GBF1: variants seen among roughly 807,000 people sequenced by gnomAD.
The protein encoded by GBF1 is Golgi-specific brefeldin A-resistance guanine nucleotide exchange factor 1.
A neutral mutation model predicts 210.5 loss-of-function variants in GBF1; 114 were observed. The ratio of observed to expected loss-of-function variants is 0.54; its 90% CI spans 0.47 to 0.63. The LOEUF is 0.63. Among genes scored for constraint, GBF1 ranks in the 30% least tolerant of loss-of-function variants. GBF1 has a pLI of 0.00. For missense variants in GBF1, 1,851 were observed against 2,357.7 expected, an observed-to-expected ratio of 0.79 and a Z score of 4.45; for synonymous variants, 850 against 889.2, an observed-to-expected ratio of 0.96 and a Z score of 0.78.
At chr10:102,307,443 CAAA>C (rs1214986314) in intron 3 of GBF1, among the ~76,000 whole-genome samples, 3 of 51,788 alleles carry the variant, frequency 5.8e-5, no homozygotes, top group Non-Finnish European at 4.1e-5. Context: ...CCAACCTTGG[CAAA>C]AAAAAAAAAA....
At chr10:102,231,759 G>T in the GBF1 span, 3 of 1,606,638 alleles carry the variant, frequency 1.9e-6, no homozygotes, top group African/African-American at 1.3e-5. Context: ...CTGGGGAGCC[G>T]CCGGGCAGCG....
chr10:102,356,699 G>A (rs1355427532), intron 8 of GBF1, among the ~76,000 whole-genome samples: 2 of 150,766 alleles, frequency 1.3e-5, no homozygotes, highest in African/African-American at 4.9e-5. Flanking sequence ...CCCAGGAGGC[G>A]GAGCTTGCAG....
chr10:102,351,368 C>T lies in GBF1; in HGVS notation c.408C>T (p.Ile136=), dbSNP rs202143535. Residue 136 remains isoleucine, a synonymous_variant, in exon 5 of 40, where the codon ATC becomes ATT. Coordinates refer to ENST00000369983, the MANE Select transcript of GBF1 (RefSeq NM_001377137.1). ...PASDEVVLMK[I]LQVLRTLLLT... is the part of the protein sequence containing the mutation. ...GTGATGAAGTTGTCCTGATGAAAATCCTTCAGGTAAGCGAGAGGGAAATAG... is the reference window on the plus strand; with the variant it reads ...GTGATGAAGTTGTCCTGATGAAAATTCTTCAGGTAAGCGAGAGGGAAATAG... The T allele has an allele frequency of 4.2e-5, 65 of 1,548,570 alleles. No individual in the cohort carries two copies. Among genetic ancestry groups the T allele is most frequent in the Non-Finnish European group, 5.4e-5 (61 of 1,120,242 alleles).
chr10:102,248,729 G>A (rs1370417916), intron 1 of GBF1, among the ~76,000 whole-genome samples: 1 of 152,008 alleles, frequency 6.6e-6, no homozygotes, highest in African/African-American at 2.4e-5. Context: ...TTGACCTCTG[G>A]GCTCAAGTGA....
chr10:102,369,849 C>G lies in GBF1; in HGVS notation c.3216-12C>G. ...TTTGGGGCTCACCAGGCCATGTGCC[C>G]TTTTTCTACAGAGGAGAGTCAACAG... On this transcript the variant is annotated splice_polypyrimidine_tract_variant and intron_variant, in intron 25 of 39. Transcript: ENST00000369983. The G allele has an allele frequency of 6.2e-7, 1 of 1,614,122 alleles. No homozygotes were observed. The highest frequency in any genetic ancestry group is 8.5e-7 in the Non-Finnish European group (1 of 1,180,006).
intron 3 of GBF1, among the ~76,000 whole-genome samples, chr10:102,340,717 G>A (rs911176571): frequency 2.0e-5 from 3 of 152,142 alleles, no homozygotes; most frequent in Non-Finnish European, 4.4e-5. Flanking sequence ...TTTGACAAAG[G>A]TGCAAAGACA....
At chr10:102,345,978 G>GAT (rs1339215676) in intron 4 of GBF1, among the ~76,000 whole-genome samples, 1 of 151,888 alleles carries the variant, frequency 6.6e-6, no homozygotes, top group African/African-American at 2.4e-5. Context: ...GTGTAATATA[G>GAT]ATATAACACA....
chr10:102,361,158 A>G, intron 13 of GBF1, 38 bp downstream of exon 13: 1 of 1,071,082 alleles, frequency 9.3e-7, no homozygotes, highest in Non-Finnish European at 1.5e-6. Flanking sequence ...GGGGAAAAAA[A>G]ATAGGGAGAT....
rs202224054 is a variant in GBF1, at chr10:102,382,195, G to T, written c.5442G>T (p.Leu1814Phe). 1 of 1,614,058 alleles carries T rather than the reference G, an allele frequency of 6.2e-7. No individual in the cohort carries two copies. Among genetic ancestry groups the T allele is most frequent in the Admixed American group, 1.7e-5 (1 of 60,024 alleles). Residue 1814 changes from leucine to phenylalanine, a missense_variant, in exon 40 of 40, where the codon TTG becomes TTT. Physicochemically the swap from Leu to Phe is conservative, Grantham distance 22 (BLOSUM62 0). This residue lies in a region of GBF1 where 967 missense variants were observed against 1,247.7 expected (regional missense o/e 0.78). Coordinates refer to ENST00000369983, the MANE Select transcript of GBF1 (RefSeq NM_001377137.1). ...LAQPPLILQP[L>F]ASPLQVGVPP... ...AGCCCCCACTGATCCTGCAGCCCTT[G>T]GCCTCCCCACTGCAGGTGGGCGTGC...
intron 12 of GBF1, among the ~76,000 whole-genome samples, chr10:102,360,820 A>G (rs1011107675): frequency 2.6e-5 from 4 of 152,108 alleles, no homozygotes; most frequent in Non-Finnish European, 4.4e-5. Flanking sequence ...TACTAAAAAT[A>G]TCAAATTAGC....
chr10:102,370,498 T>G lies in GBF1; in HGVS notation c.3506+20T>G, dbSNP rs148197957. On this transcript the variant is annotated intron_variant, in intron 28 of 39. Transcript: ENST00000369983. ...GAACAGGTAAGATGAGCGTAGTCTT[T>G]AGGCAGACCCCATGCTGGGCTTGTG... 5 of 1,570,894 alleles carry G rather than the reference T, an allele frequency of 3.2e-6. No individual in the cohort carries two copies. In the East Asian group the frequency reaches 1.1e-4, roughly 35 times the overall value.
At chr10:102,348,932 T>C (rs1009917684) in intron 4 of GBF1, among the ~76,000 whole-genome samples, 7 of 151,986 alleles carry the variant, frequency 4.6e-5, no homozygotes, top group Non-Finnish European at 8.8e-5. Context: ...GCAGATCACT[T>C]GAGCCCAGGA....
intron 3 of GBF1, among the ~76,000 whole-genome samples, chr10:102,342,279 C>T (rs1049774436): frequency 5.9e-5 from 9 of 151,952 alleles, no homozygotes; most frequent in Non-Finnish European, 1.0e-4. Context: ...CCTCGTGATG[C>T]GCCCGCCTCG....
chr10:102,276,965 T>TACACACACAC (rs112061268), intron 3 of GBF1, among the ~76,000 whole-genome samples: 2 of 148,648 alleles, frequency 1.3e-5, no homozygotes, highest in Non-Finnish European at 3.0e-5. Context: ...TTTTGCTACT[T>TACACACACAC]ACACACACAC....
At chr10:102,301,942 G>A (rs1336112385) in intron 3 of GBF1, among the ~76,000 whole-genome samples, 2 of 152,236 alleles carry the variant, frequency 1.3e-5, no homozygotes, top group African/African-American at 2.4e-5. Flanking sequence ...GTAGCGAGCC[G>A]AGATCACGCC....
intron 3 of GBF1, among the ~76,000 whole-genome samples, chr10:102,314,041 A>C (rs940314352): frequency 3.3e-5 from 5 of 152,274 alleles, no homozygotes; most frequent in African/African-American, 1.2e-4. Flanking sequence ...AGTTCTGTGC[A>C]TGTAAAGTCA....
chr10:102,310,597 G>T (rs1053696252), intron 3 of GBF1, among the ~76,000 whole-genome samples: 4 of 152,094 alleles, frequency 2.6e-5, no homozygotes, highest in Admixed American at 6.5e-5. Flanking sequence ...GGAGAGATTT[G>T]GGGTTTACAC....
chr10:102,281,631 A>G (rs1401233791), intron 3 of GBF1, among the ~76,000 whole-genome samples: 1 of 150,150 alleles, frequency 6.7e-6, no homozygotes, highest in East Asian at 1.9e-4. Flanking sequence ...TTATTTCTAT[A>G]AACATATTTA....
rs1368268178 is a variant in GBF1 at position 102,351,948 on chromosome 10, A to G, written c.520A>G (p.Ser174Gly). The change falls in exon 6 of 40, where the codon AGT (serine) becomes GGT (glycine). Residue 174 changes from serine (S) to glycine (G), a missense_variant. Physicochemically the swap from Ser to Gly is moderately conservative, Grantham distance 56. Around this residue, in one of 3 missense-constraint regions of GBF1, gnomAD observed 804 missense variants for 958.6 expected, o/e 0.84. Transcript: ENST00000369983. The stretch of plus-strand genomic sequence containing the variant: ...CCGGATCTGCTTTGAAATGAGGCTC[A>G]GTGGTAGGTGCTTGGATATTAGCCC... ...CFRICFEMRL[S>G]ELLRKSAEHT... 4 of 1,538,032 alleles carry G rather than the reference A, an allele frequency of 2.6e-6. No homozygotes were observed. The South Asian group carries it at 4.5e-5, about 17-fold the overall frequency.
Sources: allele counts gnomAD v4.1 joint callset (sites outside exome capture counted in the v4.1 genomes callset), GRCh38; gene constraint gnomAD v4.1.1; regional missense constraint gnomAD v4.1.1; transcripts MANE v1.5; gene names NCBI Gene and HGNC (gene_info 2026-07-23, HGNC 2026-07-21).